ADCY5: variants seen among roughly 807,000 people sequenced by gnomAD.
ADCY5 encodes the protein adenylate cyclase 5.
ADCY5 carries 30 observed loss-of-function variants against 119.7 expected under a neutral mutation model. The ratio of observed to expected loss-of-function variants is 0.25; its 90% confidence interval spans 0.19 to 0.34. The LOEUF is 0.34. Ranked by LOEUF, ADCY5 falls within the 10% of genes least tolerant of loss-of-function variation. The pLI, the probability that ADCY5 is intolerant of heterozygous loss-of-function variation, is 1.00. For synonymous variants in ADCY5, 753 were observed against 762.2 expected (o/e 0.99, Z 0.20); for missense variants, 1,324 against 1,775.2 (o/e 0.75, Z 4.57).
At chr3:123,347,647 G>T in intron 3 of ADCY5, 135 bp downstream of exon 3, 2 of 1,149,644 alleles carry the variant, frequency 1.7e-6, no homozygotes, top group Non-Finnish European at 1.3e-6. Flanking sequence ...GGTGGGGCTG[G>T]CATGCTCTAG....
chr3:123,352,204 T>C lies in ADCY5; in HGVS notation c.1284+228A>G, dbSNP rs927478596. On this transcript the variant is annotated intron_variant, in intron 2 of 20. Transcript: ENST00000462833. This position sits in a 1 kb window ranked among gnomAD's most constrained non-coding sequence, Gnocchi z 4.8. Reference sequence around the variant, plus strand: ...GTTTGCAAACCACAGGGACGCCACATGGCTATGGGCACCAGGCCTTGGGCA... The same window carrying C: ...GTTTGCAAACCACAGGGACGCCACACGGCTATGGGCACCAGGCCTTGGGCA... Among the ~76,000 whole-genome samples, 3 of 152,090 alleles carry C rather than the reference T, an allele frequency of 2.0e-5. No homozygotes were observed. Among genetic ancestry groups the C allele is most frequent in the Non-Finnish European group, 2.9e-5 (2 of 68,004 alleles).
chr3:123,291,018 T>C, intron 18 of ADCY5, 95 bp downstream of exon 18: 4 of 1,454,750 alleles, frequency 2.7e-6, no homozygotes, highest in Non-Finnish European at 2.7e-6. Context: ...GTCACGATGG[T>C]AGAAGGGGGC....
At chr3:123,320,208 T>C (rs1941145630) in intron 9 of ADCY5, among the ~76,000 whole-genome samples, 2 of 152,226 alleles carry the variant, frequency 1.3e-5, no homozygotes, top group Non-Finnish European at 2.9e-5. Context: ...GATCAGGCAG[T>C]GAGAGTTTCT....
chr3:123,320,648 G>T (rs936417200), intron 9 of ADCY5, 101 bp downstream of exon 9: 2 of 1,465,156 alleles, frequency 1.4e-6, no homozygotes, highest in African/African-American at 2.8e-5. Flanking sequence ...ACTGCAAGAG[G>T]AGTCATTTTC....
At position 123,343,454 on chromosome 3, in the gene ADCY5, C is replaced by G. The variant is rs980538752; in HGVS notation, c.1406+4328G>C. Among the ~76,000 whole-genome samples the G allele has an allele frequency of 2.0e-5, 3 of 152,234 alleles. No individual in the cohort carries two copies. In the South Asian group the frequency reaches 6.2e-4, roughly 32 times the overall value. ...TTCCCACAGCCACCAGGCGGCAGAG[C>G]TGGGTGTGGACCTGTCTGCTTAACA... On this transcript the variant is annotated intron_variant, in intron 3 of 20. Coordinates refer to ENST00000462833, the MANE Select transcript of ADCY5 (RefSeq NM_183357.3).
At chr3:123,335,246 T>C (rs1388995593) in intron 3 of ADCY5, among the ~76,000 whole-genome samples, 2 of 152,068 alleles carry the variant, frequency 1.3e-5, no homozygotes, top group Non-Finnish European at 2.9e-5. Flanking sequence ...AGGGCCCTGC[T>C]CCCTCGGCCT....
chr3:123,429,625 A>T lies in ADCY5; in HGVS notation c.1134+17787T>A, dbSNP rs117078812. 2.3e-3 allele frequency among the ~76,000 whole-genome samples: 352 copies of T among 152,312 alleles called. 2 individuals carry two copies. In the East Asian group the frequency reaches 0.025, roughly 11 times the overall value. Reference sequence around the variant, plus strand: ...CCACATTCACAAGTGACAGAGCAACAGAATGACAGTGACAGAGTGAGGCAT... The same window carrying T: ...CCACATTCACAAGTGACAGAGCAACTGAATGACAGTGACAGAGTGAGGCAT... On this transcript the variant is annotated intron_variant, in intron 1 of 20. Coordinates refer to ENST00000462833, the MANE Select transcript of ADCY5 (RefSeq NM_183357.3).
chr3:123,338,863 C>T (rs554038608), intron 3 of ADCY5, among the ~76,000 whole-genome samples: 1 of 152,314 alleles, frequency 6.6e-6, no homozygotes, highest in South Asian at 2.1e-4. Context: ...CCAACAGGCC[C>T]ATGACTTTAT....
intron 15 of ADCY5, among the ~76,000 whole-genome samples, chr3:123,297,691 T>A (rs951656601): frequency 1.3e-5 from 2 of 152,224 alleles, no homozygotes; most frequent in Non-Finnish European, 2.9e-5. Flanking sequence ...AGGCCTTTGC[T>A]GCCATCCAGA....
chr3:123,294,763 T>TGGGGAGGGTGCGCAGGGATGACGC (rs1939394533), intron 17 of ADCY5, among the ~76,000 whole-genome samples: 1 of 151,816 alleles, frequency 6.6e-6, no homozygotes, highest in Non-Finnish European at 1.5e-5. Context: ...TGATCGCCGA[T>TGGGGAGGGTGCGCAGGGATGACGC]GGGGAGGGTG....
chr3:123,448,576 C>T lies in ADCY5; in HGVS notation c.-31G>A, dbSNP rs1408744436. 1 of 1,262,576 alleles carries T rather than the reference C, an allele frequency of 7.9e-7. No homozygotes were observed. Among genetic ancestry groups the T allele is most frequent in the East Asian group, 3.2e-5 (1 of 31,726 alleles). 78.2% of individuals were successfully genotyped at this position (1,262,576 alleles called of 1,614,324 possible). On this transcript the variant is annotated 5_prime_UTR_variant, in exon 1 of 21. Transcript: ENST00000462833. Reference sequence around the variant, plus strand: ...CCTCGGCCTCGTCGTCTCCTTCCTCCTCCCCCGGAAGCCGGGCCGGGGGTC... The same window carrying T: ...CCTCGGCCTCGTCGTCTCCTTCCTCTTCCCCCGGAAGCCGGGCCGGGGGTC...
intron 1 of ADCY5, among the ~76,000 whole-genome samples, chr3:123,405,434 G>A (rs1206837096): frequency 1.3e-5 from 2 of 152,156 alleles, no homozygotes; most frequent in African/African-American, 4.8e-5. Context: ...CACCGGCACA[G>A]AGAGGACTGA....
At chr3:123,382,860 C>G (rs1559851025) in intron 1 of ADCY5, among the ~76,000 whole-genome samples, 1 of 115,242 alleles carries the variant, frequency 8.7e-6, no homozygotes, top group Non-Finnish European at 1.7e-5. Flanking sequence ...GGTGAATGTA[C>G]GTAATGTCTG....
At position 123,284,677 on chromosome 3, in the gene ADCY5, G is replaced by T; in HGVS notation, c.3717C>A (p.Gly1239=). 1 of 1,614,218 alleles carries T rather than the reference G, an allele frequency of 6.2e-7. No homozygotes were observed. Residue 1239 remains glycine, a synonymous_variant, in exon 21 of 21, where the codon GGC becomes GGA. Transcript: ENST00000462833. ...CGCCTTTGCCCTTGACCTTGACCACGCCCCGGCACTCCAGCTGGTACGTGT... is the reference window on the plus strand; with the variant it reads ...CGCCTTTGCCCTTGACCTTGACCACTCCCCGGCACTCCAGCTGGTACGTGT... ...AANTYQLECR[G]VVKVKGKGEM... is the part of the protein sequence containing the mutation.
At chr3:123,317,445 C>T (rs764720289) in intron 11 of ADCY5, among the ~76,000 whole-genome samples, 4 of 151,698 alleles carry the variant, frequency 2.6e-5, no homozygotes, top group Non-Finnish European at 5.9e-5. Context: ...GATAAAAAGG[C>T]GTCTCTTGAC....
At chr3:123,403,470 G>A (rs1166756420) in intron 1 of ADCY5, among the ~76,000 whole-genome samples, 3 of 151,702 alleles carry the variant, frequency 2.0e-5, no homozygotes, top group East Asian at 1.9e-4. Context: ...CACCACCAAC[G>A]GCCTGTGTTG....
intron 12 of ADCY5, among the ~76,000 whole-genome samples, chr3:123,306,170 T>G (rs1370196004): frequency 6.6e-6 from 1 of 152,240 alleles, no homozygotes; most frequent in Non-Finnish European, 1.5e-5. Context: ...TAAGCTTGTA[T>G]TAAAATCCTG....
chr3:123,310,609 T>C (rs1270310585), intron 12 of ADCY5, among the ~76,000 whole-genome samples: 6 of 152,208 alleles, frequency 3.9e-5, no homozygotes, highest in African/African-American at 1.2e-4. Context: ...GGCTTTAACA[T>C]GGTTTTCTCT....
chr3:123,288,251 G>C (rs530100078), intron 19 of ADCY5, among the ~76,000 whole-genome samples: 29 of 152,282 alleles, frequency 1.9e-4, no homozygotes, highest in African/African-American at 7.0e-4. Context: ...TCACAATACT[G>C]GTTTTTAGTC....
Sources: allele counts gnomAD v4.1 joint callset (sites outside exome capture counted in the v4.1 genomes callset), GRCh38; gene constraint gnomAD v4.1.1; non-coding constraint Gnocchi (gnomAD v3.1); transcripts MANE v1.5; gene names NCBI Gene and HGNC (gene_info 2026-07-23, HGNC 2026-07-21).